The following PIK3CD variants were observed in gnomAD, a reference collection of about 807,000 sequenced individuals.
The protein encoded by PIK3CD is phosphatidylinositol-4,5-bisphosphate 3-kinase catalytic subunit delta, also known as phosphatidylinositol 4,5-bisphosphate 3-kinase catalytic subunit delta isoform.
Under a neutral mutation model 122.9 loss-of-function variants are expected in PIK3CD, and 20 were observed. That is an observed-to-expected ratio of 0.16 (90% CI 0.11 to 0.24). The LOEUF (loss-of-function observed/expected upper bound fraction) is 0.24. Ranked by LOEUF, PIK3CD falls within the 10% of genes least tolerant of loss-of-function variation. The pLI is 1.00. For synonymous variants in PIK3CD, 596 were observed against 593.4 expected (o/e 1.00, Z -0.06); for missense variants, 787 against 1,406.3 (o/e 0.56, Z 7.04).
rs1195113506 is a variant in PIK3CD, at chr1:9,652,137, C to T, written c.-138+335C>T. Among the ~76,000 whole-genome samples, 2 of 152,076 alleles carry T rather than the reference C, an allele frequency of 1.3e-5. No homozygotes were observed. The highest frequency in any genetic ancestry group is 2.9e-5 in the Non-Finnish European group (2 of 67,974). On this transcript the variant is annotated intron_variant, in intron 1 of 23. Transcript: ENST00000377346. The surrounding 1 kb of genome is among the most constrained non-coding windows in gnomAD (Gnocchi z 6.2). The stretch of plus-strand genomic sequence containing the variant: ...CCGGCAGCGGGGTTTCAGCTGCGCT[C>T]ACAGCGGCGGTGCGGCCTCCGGTGC...
the PIK3CD span, among the ~76,000 whole-genome samples, chr1:9,632,861 C>T: frequency 3.9e-5 from 5 of 128,642 alleles, no homozygotes; most frequent in South Asian, 2.5e-4. Flanking sequence ...CAACCTGATT[C>T]TTTTTTTTTT....
At chr1:9,667,220 A>G (rs955696342) in intron 1 of PIK3CD, among the ~76,000 whole-genome samples, 1 of 152,036 alleles carries the variant, frequency 6.6e-6, no homozygotes, top group Non-Finnish European at 1.5e-5. Flanking sequence ...AATCCCAGCT[A>G]CTTGGGAGGC....
chr1:9,651,382 C>G (rs1441748689), upstream of PIK3CD, among the ~76,000 whole-genome samples: 2 of 152,214 alleles, frequency 1.3e-5, no homozygotes, highest in Non-Finnish European at 1.5e-5. Context: ...GTTACCCCCT[C>G]TTCTTCTCCT....
chr1:9,707,863 G>A (rs916297365), intron 2 of PIK3CD, among the ~76,000 whole-genome samples: 3 of 150,130 alleles, frequency 2.0e-5, no homozygotes, highest in East Asian at 2.0e-4. Flanking sequence ...GCGCGATCTC[G>A]GCTCACTGCA....
chr1:9,719,671 A>AG lies in PIK3CD; in HGVS notation c.1243-250_1243-249insG, dbSNP rs1306858564. ...GCAAGACTCCGTCTCAAAAAAAAAAAAAAGCCTGAGTAGGGGTGAGGTGGG... is the reference window on the plus strand; with the variant it reads ...GCAAGACTCCGTCTCAAAAAAAAAAAGAAAGCCTGAGTAGGGGTGAGGTGGG... On this transcript the variant is annotated intron_variant, in intron 9 of 23. Coordinates refer to ENST00000377346, the MANE Select transcript of PIK3CD (RefSeq NM_005026.5). The surrounding 1 kb of genome is among the most constrained non-coding windows in gnomAD (Gnocchi z 5.5). 6.6e-6 allele frequency among the ~76,000 whole-genome samples: 1 copy of AG among 151,766 alleles called. No individual in the cohort carries two copies. The highest frequency in any genetic ancestry group is 1.5e-5 in the Non-Finnish European group (1 of 67,894).
At chr1:9,668,452 T>C (rs1645228276) in intron 1 of PIK3CD, among the ~76,000 whole-genome samples, 1 of 152,022 alleles carries the variant, frequency 6.6e-6, no homozygotes, top group South Asian at 2.1e-4. Flanking sequence ...TTTTTTTTTT[T>C]TTTGGTTTGG....
intron 1 of PIK3CD, chr1:9,688,203 G>C (rs950411665): frequency 6.6e-6 from 1 of 152,280 alleles, no homozygotes. Flanking sequence ...GCAGCAATTA[G>C]GACCACCAAG....
In PIK3CD at chr1:9,704,913, G is replaced by A. The variant is rs191667434; in HGVS notation, c.-32-5511G>A. 7.5e-4 allele frequency among the ~76,000 whole-genome samples: 114 copies of A among 152,330 alleles called. No individual in the cohort carries two copies. Among genetic ancestry groups the A allele is most frequent in the Middle Eastern group, 6.8e-3 (2 of 294 alleles). On this transcript the variant is annotated intron_variant, in intron 2 of 23. Coordinates refer to ENST00000377346, the MANE Select transcript of PIK3CD (RefSeq NM_005026.5). This position sits in a 1 kb window ranked among gnomAD's most constrained non-coding sequence, Gnocchi z 5.0. ...TGGTTTTGCAATTGGAGGAAGTGGC[G>A]ACCAGCAGTGGCAGTGCCTAGAGAT...
At chr1:9,657,929 G>T (rs1644904573) in intron 1 of PIK3CD, among the ~76,000 whole-genome samples, 1 of 152,138 alleles carries the variant, frequency 6.6e-6, no homozygotes, top group African/African-American at 2.4e-5. Context: ...ATGGGAGAAT[G>T]ATTGGGTGAG....
chr1:9,633,200 G>T, the PIK3CD span, among the ~76,000 whole-genome samples: 1 of 152,044 alleles, frequency 6.6e-6, no homozygotes, highest in Non-Finnish European at 1.5e-5. Flanking sequence ...TTTGGCTTAG[G>T]AATTCTCCAG....
chr1:9,718,981 C>A lies in PIK3CD; in HGVS notation c.1242+66C>A, dbSNP rs1293110978. On this transcript the variant is annotated intron_variant, in intron 9 of 23. Coordinates refer to ENST00000377346, the MANE Select transcript of PIK3CD (RefSeq NM_005026.5). This position sits in a 1 kb window ranked among gnomAD's most constrained non-coding sequence, Gnocchi z 7.2. ...GAGCCAGTACAGCCCCTTGCTGGGC[C>A]ACTCACCACTCTCCTCCCGGCAAGC... 7.0e-7 allele frequency: 1 copy of A among 1,433,048 alleles called. No homozygotes were observed. Among genetic ancestry groups the A allele is most frequent in the African/African-American group, 1.4e-5 (1 of 71,236 alleles). The allele number at this position is 1,433,048 out of a possible 1,614,324, so 88.8% of individuals were successfully genotyped here.
At chr1:9,635,359 T>A in the PIK3CD span, among the ~76,000 whole-genome samples, 2 of 151,930 alleles carry the variant, frequency 1.3e-5, no homozygotes, top group African/African-American at 4.8e-5. Flanking sequence ...TTCCTCTCTG[T>A]GCATCTGCTG....
rs1055487136 is a variant in PIK3CD, at chr1:9,723,557, G to A, written c.2594+265G>A. ...ACGATTGGCTCACAGATCTGCAGCT[G>A]GGGCTGGGCTCAGCCGGGTGGCTTT... On this transcript the variant is annotated intron_variant, in intron 20 of 23. Coordinates refer to ENST00000377346, the MANE Select transcript of PIK3CD (RefSeq NM_005026.5). This position sits in a 1 kb window ranked among gnomAD's most constrained non-coding sequence, Gnocchi z 4.9. Among the ~76,000 whole-genome samples, 3 of 152,222 alleles carry A rather than the reference G, an allele frequency of 2.0e-5. No individual in the cohort carries two copies. The highest frequency in any genetic ancestry group is 2.9e-5 in the Non-Finnish European group (2 of 68,034).
At chr1:9,726,867 C>G (rs1279367672) in intron 23 of PIK3CD, 42 bp from the exon 24 acceptor site, 1 of 1,613,078 alleles carries the variant, frequency 6.2e-7, no homozygotes, top group Non-Finnish European at 8.5e-7. Flanking sequence ...AGAGCAAGGT[C>G]CGGGCCCCCT....
chr1:9,645,099 C>T, the PIK3CD span, among the ~76,000 whole-genome samples: 1 of 149,478 alleles, frequency 6.7e-6, no homozygotes, highest in African/African-American at 2.5e-5. Flanking sequence ...AACCTCGGCT[C>T]ACTGCCACCT....
At chr1:9,658,558 C>G in intron 1 of PIK3CD, among the ~76,000 whole-genome samples, 1 of 120,094 alleles carries the variant, frequency 8.3e-6, no homozygotes, top group African/African-American at 3.4e-5. Flanking sequence ...GAGGCAGAGT[C>G]TCCCTGTGTC....
intron 1 of PIK3CD, among the ~76,000 whole-genome samples, chr1:9,688,593 C>T (rs917727424): frequency 6.6e-6 from 1 of 152,038 alleles, no homozygotes; most frequent in African/African-American, 2.4e-5. Context: ...GGGAGGCTGA[C>T]GCGGTAGGAT....
At chr1:9,721,343 G>T in intron 14 of PIK3CD, 95 bp downstream of exon 14, 2 of 1,609,042 alleles carry the variant, frequency 1.2e-6, no homozygotes, top group East Asian at 4.5e-5. Flanking sequence ...ACCTTCCCGT[G>T]GGCTTGCTCC....
chr1:9,638,735 A>AC, the PIK3CD span, among the ~76,000 whole-genome samples: 3 of 150,156 alleles, frequency 2.0e-5, no homozygotes, highest in Non-Finnish European at 3.0e-5. Flanking sequence ...CCTTCTCAAA[A>AC]AAAAAAAAAA....
Sources: gnomAD v4.1 joint callset for allele counts (sites outside exome capture counted in the v4.1 genomes callset) on GRCh38, gnomAD v4.1.1 for gene constraint, Gnocchi (gnomAD v3.1) non-coding constraint, MANE v1.5 for transcripts, NCBI Gene and HGNC (gene_info 2026-07-23, HGNC 2026-07-21) for gene names.